Variants in RBFOX1 observed in about 807,000 individuals in gnomAD.
RBFOX1 encodes the protein RNA binding protein fox-1 homolog 1.
In RBFOX1, 8 loss-of-function variants were observed where a neutral mutation model predicts 57.7. The observed-to-expected ratio is 0.14, with a 90% CI of 0.08 to 0.25. The LOEUF (loss-of-function observed/expected upper bound fraction) is 0.25, where lower values mean the gene tolerates loss of function less well. RBFOX1 is among the 10% of genes least tolerant of loss of function. The pLI is 1.00. For synonymous variants in RBFOX1, 326 were observed against 222.4 expected (o/e 1.47, Z -4.15); for missense variants, 611 against 548.5 (o/e 1.11, Z -1.14).
In RBFOX1 at chr16:5,946,018, A is replaced by G. The variant is rs2059393474; in HGVS notation, c.351+78683A>G. 6.6e-6 allele frequency among the ~76,000 whole-genome samples: 1 copy of G among 152,224 alleles called. No individual in the cohort carries two copies. The highest frequency in any genetic ancestry group is 6.5e-5 in the Admixed American group (1 of 15,280). On this transcript the variant is annotated intron_variant, in intron 4 of 19. Coordinates refer to the RBFOX1 transcript ENST00000641259. This position sits in a 1 kb window ranked among gnomAD's most constrained non-coding sequence, Gnocchi z 4.6. ...CCACACCGGCGTCCACATTGGGTTT[A>G]AAAAGAGAAAAGAAGTCTGCTTTGT...
At chr16:5,302,387 C>T (rs1455604214) in intron 1 of RBFOX1, among the ~76,000 whole-genome samples, 3 of 152,172 alleles carry the variant, frequency 2.0e-5, no homozygotes, top group African/African-American at 7.2e-5. Context: ...GGTCCACAGG[C>T]ACTTGAAAAG....
chr16:6,864,426 A>G (rs572435896), intron 3 of RBFOX1, among the ~76,000 whole-genome samples: 23 of 152,324 alleles, frequency 1.5e-4, no homozygotes, highest in African/African-American at 5.5e-4. Flanking sequence ...GAAATCACCA[A>G]CAATTCAGAA....
chr16:6,666,003 G>T (rs550895051), intron 3 of RBFOX1, among the ~76,000 whole-genome samples: 3 of 152,194 alleles, frequency 2.0e-5, no homozygotes, highest in South Asian at 2.1e-4. Flanking sequence ...TGTTCTCATG[G>T]TAGTGAATAA....
At chr16:6,642,084 T>A (rs2098496105) in intron 2 of RBFOX1, among the ~76,000 whole-genome samples, 1 of 151,798 alleles carries the variant, frequency 6.6e-6, no homozygotes, top group African/African-American at 2.4e-5. Context: ...ACGGAGAGGG[T>A]ATGTTTTAGG....
chr16:5,525,886 A>T (rs1406024717), intron 2 of RBFOX1, among the ~76,000 whole-genome samples: 1 of 152,176 alleles, frequency 6.6e-6, no homozygotes, highest in Admixed American at 6.5e-5. Flanking sequence ...ATATTAATTT[A>T]TAGTAATATA....
At chr16:6,491,571 T>A (rs1812870423) in intron 2 of RBFOX1, among the ~76,000 whole-genome samples, 1 of 152,314 alleles carries the variant, frequency 6.6e-6, no homozygotes, top group South Asian at 2.1e-4. Flanking sequence ...GAATTGCACA[T>A]CATTATCCTT....
intron 3 of RBFOX1, among the ~76,000 whole-genome samples, chr16:5,656,284 G>A (rs937061610): frequency 2.0e-5 from 3 of 152,216 alleles, no homozygotes; most frequent in African/African-American, 7.2e-5. Flanking sequence ...GATGAAAAAA[G>A]TAATGTCTCT....
chr16:5,749,967 C>G (rs917191964), intron 3 of RBFOX1, among the ~76,000 whole-genome samples: 2 of 152,158 alleles, frequency 1.3e-5, no homozygotes, highest in African/African-American at 4.8e-5. Flanking sequence ...TTCAGCTTTT[C>G]TGCTCTGTTT....
At chr16:5,846,747 C>T (rs1205209230) in intron 3 of RBFOX1, among the ~76,000 whole-genome samples, 3 of 152,212 alleles carry the variant, frequency 2.0e-5, no homozygotes, top group African/African-American at 7.2e-5. Flanking sequence ...CTCCACTTCA[C>T]AGTCTTTGCA....
intron 1 of RBFOX1, among the ~76,000 whole-genome samples, chr16:6,051,453 A>C (rs1257851733): frequency 6.6e-6 from 1 of 152,032 alleles, no homozygotes; most frequent in Non-Finnish European, 1.5e-5. Context: ...TCCACCTTAC[A>C]AGTAGCTGGA....
At chr16:7,710,094 C>A in intron 15 of RBFOX1, 3 of 1,001,810 alleles carry the variant, frequency 3.0e-6, no homozygotes, top group Non-Finnish European at 3.6e-6. Flanking sequence ...TTGTTTTGCA[C>A]AAGCTTAATT....
intron 2 of RBFOX1, among the ~76,000 whole-genome samples, chr16:5,481,239 G>T (rs1422894772): frequency 6.6e-6 from 1 of 152,144 alleles, no homozygotes; most frequent in African/African-American, 2.4e-5. Context: ...TCCAAGGCAG[G>T]ACTGGGGTCT....
rs147212458 is a variant in RBFOX1, at chr16:6,375,066, A to G, written c.-64+58009A>G. ...CCTGCTTGAGACCTCGCCAGGTCCA[A>G]CTTTAAAACGTTTGCAGGCTAATGG... On this transcript the variant is annotated intron_variant, in intron 2 of 15. Coordinates refer to ENST00000550418, the MANE Select transcript of RBFOX1 (RefSeq NM_018723.4). 9.2e-3 allele frequency among the ~76,000 whole-genome samples: 1,404 copies of G among 152,304 alleles called. 23 individuals are homozygous for G. Among genetic ancestry groups the G allele is most frequent in the African/African-American group, 0.03 (1,256 of 41,556 alleles).
intron 3 of RBFOX1, among the ~76,000 whole-genome samples, chr16:6,824,269 G>C (rs1282894791): frequency 2.0e-5 from 3 of 152,176 alleles, no homozygotes; most frequent in Non-Finnish European, 4.4e-5. Flanking sequence ...GCCAGATGTG[G>C]TGGTTGGTAC....
chr16:6,237,642 T>A (rs2097515573), intron 1 of RBFOX1, among the ~76,000 whole-genome samples: 1 of 150,684 alleles, frequency 6.6e-6, no homozygotes, highest in Non-Finnish European at 1.5e-5. Context: ...CTTGGGAGGG[T>A]GGGGAAGAGA....
chr16:7,083,240 A>G (rs2153800438), intron 4 of RBFOX1, among the ~76,000 whole-genome samples: 1 of 152,176 alleles, frequency 6.6e-6, no homozygotes, highest in South Asian at 2.1e-4. Flanking sequence ...TCCAGAGTAC[A>G]GGGATTGTAA....
chr16:5,713,311 A>T (rs9936028), intron 3 of RBFOX1, among the ~76,000 whole-genome samples: 5,410 of 152,282 alleles, frequency 0.036, 336 homozygotes, highest in African/African-American at 0.12. Flanking sequence ...AAGGAGAAGG[A>T]CAAGGAAGGG....
chr16:7,173,532 GCTTA>G (rs1243706051), intron 4 of RBFOX1, among the ~76,000 whole-genome samples: 2 of 151,554 alleles, frequency 1.3e-5, no homozygotes, highest in Admixed American at 6.6e-5. Context: ...CTCATTCCTT[GCTTA>G]CTTCATTGTA....
In RBFOX1 at chr16:6,518,873, T is replaced by C. The variant is rs79152485; in HGVS notation, c.-63-135730T>C. Among the ~76,000 whole-genome samples, 608 of 151,896 alleles carry C rather than the reference T, an allele frequency of 4.0e-3. 6 individuals carry two copies. Among genetic ancestry groups the C allele is most frequent in the African/African-American group, 0.014 (560 of 41,378 alleles). Reference sequence around the variant, plus strand: ...TGTCTTCCTGCAGAAGTAGCAAACGTGCCCCGTTCTTCCCTGGAGCTAGCA... The same window carrying C: ...TGTCTTCCTGCAGAAGTAGCAAACGCGCCCCGTTCTTCCCTGGAGCTAGCA... On this transcript the variant is annotated intron_variant, in intron 2 of 15. Coordinates refer to ENST00000550418, the MANE Select transcript of RBFOX1 (RefSeq NM_018723.4).
Sources: gnomAD v4.1 joint callset for allele counts (sites outside exome capture counted in the v4.1 genomes callset) on GRCh38, gnomAD v4.1.1 for gene constraint, Gnocchi (gnomAD v3.1) non-coding constraint, MANE v1.5 for transcripts, NCBI Gene and HGNC (gene_info 2026-07-23, HGNC 2026-07-21) for gene names.